Variants in ATP8A2 observed in about 807,000 individuals in gnomAD.
ATP8A2 encodes the protein phospholipid-transporting ATPase IB.
ATP8A2 carries 100 observed loss-of-function variants against 165.6 expected under a neutral mutation model. The ratio of observed to expected loss-of-function variants is 0.60; its 90% CI spans 0.51 to 0.71. The LOEUF is 0.71. Ranked by LOEUF, ATP8A2 falls within the 30% of genes least tolerant of loss-of-function variation. ATP8A2 has a pLI of 0.00. For missense variants in ATP8A2, 1,227 were observed against 1,479.5 expected (o/e 0.83, Z 2.80); for synonymous variants, 543 against 548.8 (o/e 0.99, Z 0.15).
chr13:25,570,931 A>T (rs2039449734), intron 17 of ATP8A2, 59 bp downstream of exon 17: 1 of 1,280,274 alleles, frequency 7.8e-7, no homozygotes, highest in African/African-American at 1.5e-5. Flanking sequence ...TGGGTGTTGC[A>T]GTTATTCTTG....
chr13:25,443,936 T>A (rs953020377), intron 1 of ATP8A2, among the ~76,000 whole-genome samples: 1 of 152,268 alleles, frequency 6.6e-6, no homozygotes, highest in African/African-American at 2.4e-5. Context: ...TTTTTAAATG[T>A]CTTTTATTTT....
intron 33 of ATP8A2, among the ~76,000 whole-genome samples, chr13:25,915,894 C>G (rs190497136): frequency 3.1e-4 from 47 of 152,212 alleles, no homozygotes; most frequent in Non-Finnish European, 5.7e-4. Context: ...ATGTTGTTCT[C>G]TACCAGTGCG....
chr13:25,773,322 C>G (rs906070272), intron 26 of ATP8A2, among the ~76,000 whole-genome samples: 1 of 152,160 alleles, frequency 6.6e-6, no homozygotes, highest in Admixed American at 6.5e-5. Flanking sequence ...AGGGTTGCAG[C>G]TAACGGCACA....
intron 34 of ATP8A2, among the ~76,000 whole-genome samples, chr13:25,967,560 G>C (rs185514795): frequency 4.1e-4 from 62 of 152,234 alleles, no homozygotes; most frequent in Non-Finnish European, 6.8e-4. Flanking sequence ...TTCTCATTCT[G>C]TCTTTGGGTC....
intron 24 of ATP8A2, among the ~76,000 whole-genome samples, chr13:25,652,392 G>A (rs1466237340): frequency 1.3e-5 from 2 of 152,066 alleles, no homozygotes; most frequent in Non-Finnish European, 2.9e-5. Flanking sequence ...TGGCTCATTG[G>A]TTCTATTAGC....
intron 33 of ATP8A2, among the ~76,000 whole-genome samples, chr13:25,949,429 G>A (rs1181161066): frequency 6.6e-6 from 1 of 152,250 alleles, no homozygotes; most frequent in Non-Finnish European, 1.5e-5. Flanking sequence ...GCAATCGTTA[G>A]GCATCCAATT....
intron 33 of ATP8A2, among the ~76,000 whole-genome samples, chr13:25,877,008 C>G (rs115058353): frequency 0.015 from 2,287 of 151,974 alleles, 49 homozygotes; most frequent in African/African-American, 0.052. Flanking sequence ...ACAAACTTGT[C>G]TACTTGGGGA....
intron 25 of ATP8A2, among the ~76,000 whole-genome samples, chr13:25,708,608 A>C (rs956891780): frequency 5.3e-5 from 8 of 152,106 alleles, no homozygotes; most frequent in South Asian, 2.1e-4. Flanking sequence ...TAAAAAAAAA[A>C]CTCCATCCTG....
At chr13:25,740,201 C>CAGGAGGCTGAGGCAGGA (rs1392437783) in intron 25 of ATP8A2, among the ~76,000 whole-genome samples, 20 of 150,866 alleles carry the variant, frequency 1.3e-4, no homozygotes, top group Admixed American at 3.3e-4. Context: ...CCCAGCTTCT[C>CAGGAGGCTGAGGCAGGA]AGGAGGCTGA....
chr13:25,897,111 G>A (rs986411148), intron 33 of ATP8A2, among the ~76,000 whole-genome samples: 1 of 152,170 alleles, frequency 6.6e-6, no homozygotes, highest in Non-Finnish European at 1.5e-5. Context: ...GTTAGTTGAT[G>A]CAGTTTCTTC....
At chr13:25,585,637 G>A (rs1378122940) in intron 23 of ATP8A2, among the ~76,000 whole-genome samples, 2 of 152,118 alleles carry the variant, frequency 1.3e-5, no homozygotes, top group Non-Finnish European at 2.9e-5. Context: ...ACAATATGAT[G>A]TTATGAGATA....
At chr13:25,561,206 T>A (rs2039143708) in intron 15 of ATP8A2, among the ~76,000 whole-genome samples, 2 of 152,218 alleles carry the variant, frequency 1.3e-5, no homozygotes, top group South Asian at 4.1e-4. Flanking sequence ...ATTCTGTCTC[T>A]GAGTTTCCTC....
intron 33 of ATP8A2, among the ~76,000 whole-genome samples, chr13:25,893,453 T>A (rs1418214658): frequency 1.3e-5 from 2 of 151,986 alleles, no homozygotes; most frequent in Non-Finnish European, 2.9e-5. Flanking sequence ...TCTATCATTG[T>A]GGGACATTTG....
chr13:25,935,977 TA>T (rs1954876688), intron 33 of ATP8A2, among the ~76,000 whole-genome samples: 1 of 152,212 alleles, frequency 6.6e-6, no homozygotes, highest in Non-Finnish European at 1.5e-5. Flanking sequence ...AATGTTACCA[TA>T]AACAAGATTC....
chr13:25,885,509 G>A (rs1953119631), intron 33 of ATP8A2, among the ~76,000 whole-genome samples: 1 of 152,114 alleles, frequency 6.6e-6, no homozygotes, highest in African/African-American at 2.4e-5. Flanking sequence ...CCATCGTAAA[G>A]GCTGGGGAGG....
intron 29 of ATP8A2, among the ~76,000 whole-genome samples, chr13:25,837,662 G>A (rs1951652179): frequency 6.6e-6 from 1 of 152,116 alleles, no homozygotes; most frequent in Non-Finnish European, 1.5e-5. Context: ...TGGTCCTGCA[G>A]CCCCATGTGG....
chr13:25,539,119 C>T (rs1406968572), intron 7 of ATP8A2, among the ~76,000 whole-genome samples: 1 of 148,206 alleles, frequency 6.7e-6, no homozygotes. Context: ...GTTTTGGAGA[C>T]AAGGTCTTAC....
rs1450437520 is a variant in ATP8A2 at position 25,769,040 on chromosome 13, T to C, written c.2385-6T>C. On this transcript the variant is annotated splice_region_variant and splice_polypyrimidine_tract_variant and intron_variant, in intron 25 of 36. Coordinates refer to ENST00000381655, the MANE Select transcript of ATP8A2 (RefSeq NM_016529.6). ...ATAGCTCTGATTTCCCTCTCTTTTC[T>C]CACAGAGTGTCTCCTCTGCAGAAGT... is the stretch of plus-strand genomic sequence containing the variant. 6.2e-7 allele frequency: 1 copy of C among 1,613,782 alleles called. No homozygotes were observed. Among genetic ancestry groups the C allele is most frequent in the Non-Finnish European group, 8.5e-7 (1 of 1,179,672 alleles).
intron 1 of ATP8A2, among the ~76,000 whole-genome samples, chr13:25,438,025 T>G (rs1566133250): frequency 6.6e-6 from 1 of 152,236 alleles, no homozygotes; most frequent in Non-Finnish European, 1.5e-5. Context: ...AATTACAAAC[T>G]ATGTTCATAA....
Sources: allele counts gnomAD v4.1 joint callset (sites outside exome capture counted in the v4.1 genomes callset), GRCh38; gene constraint gnomAD v4.1.1; transcripts MANE v1.5; gene names NCBI Gene and HGNC (gene_info 2026-07-23, HGNC 2026-07-21).